Variants in USP50 observed in about 807,000 individuals in gnomAD.
The protein encoded by USP50 is ubiquitin carboxyl-terminal hydrolase 50.
In USP50, 37 loss-of-function variants were observed where a neutral mutation model predicts 39.2. The observed-to-expected ratio is 0.94, with a 90% CI of 0.73 to 1.24. USP50 has a LOEUF of 1.24. USP50 is among the 50% of genes most tolerant of loss of function. USP50 has a pLI of 0.00. For synonymous variants in USP50, 139 were observed against 144.5 expected, an observed-to-expected ratio of 0.96 and a Z score of 0.27; for missense variants, 374 against 398.2, an observed-to-expected ratio of 0.94 and a Z score of 0.52.
intron 6 of USP50, chr15:50,505,110 AAGTTCTAGG>A (rs1227089372): frequency 1.3e-5 from 2 of 152,190 alleles, no homozygotes; most frequent in African/African-American, 2.4e-5. Context: ...TGTCCTGTAG[AAGTTCTAGG>A]AGGAGAGAAT....
intron 5 of USP50, chr15:50,532,229 T>A (rs1277522266): frequency 2.2e-6 from 1 of 456,166 alleles, no homozygotes; most frequent in South Asian, 1.5e-5. Context: ...CTCATGCTTC[T>A]GGCAAGAAGA....
intron 6 of USP50, chr15:50,506,218 C>T (rs917246592): frequency 2.6e-5 from 4 of 152,390 alleles, no homozygotes; most frequent in African/African-American, 9.7e-5. Context: ...GGTCCCCAAC[C>T]CCCCCAGGCT....
chr15:50,544,913 A>G (rs979481977), intron 1 of USP50, 132 bp from the exon 2 acceptor site: 1 of 878,618 alleles, frequency 1.1e-6, no homozygotes, highest in Non-Finnish European at 1.7e-6. Context: ...ATTCCCTACC[A>G]AGGACAGGAA....
At chr15:50,530,282 C>T (rs1427890603) in intron 5 of USP50, among the ~76,000 whole-genome samples, 1 of 150,774 alleles carries the variant, frequency 6.6e-6, no homozygotes, top group Non-Finnish European at 1.5e-5. Flanking sequence ...GACCCTGTCT[C>T]TAAAAAAAAG....
intron 6 of USP50, among the ~76,000 whole-genome samples, chr15:50,527,791 C>G (rs938264346): frequency 6.6e-6 from 1 of 151,852 alleles, no homozygotes; most frequent in Admixed American, 6.6e-5. Flanking sequence ...CATGCCACCA[C>G]ACCCAGCTAA....
chr15:50,525,480 G>A (rs1011039995), intron 6 of USP50, among the ~76,000 whole-genome samples: 12 of 148,436 alleles, frequency 8.1e-5, no homozygotes, highest in Middle Eastern at 3.5e-3. Context: ...GTGTGTGTGT[G>A]TATATATATG....
intron 6 of USP50, among the ~76,000 whole-genome samples, chr15:50,524,040 A>G (rs1596013030): frequency 6.6e-6 from 1 of 152,252 alleles, no homozygotes; most frequent in Non-Finnish European, 1.5e-5. Flanking sequence ...GGGCAAGGAC[A>G]GTAAATAAAT....
At chr15:50,495,976 A>G (rs964204216), downstream of USP50, 15 of 1,613,834 alleles carry the variant, frequency 9.3e-6, no homozygotes, top group Admixed American at 1.7e-5. Context: ...TTCAGGGTCA[A>G]TTCAAATCTA....
intron 6 of USP50, among the ~76,000 whole-genome samples, chr15:50,521,081 G>A (rs2052846221): frequency 6.6e-6 from 1 of 152,172 alleles, no homozygotes; most frequent in African/African-American, 2.4e-5. Flanking sequence ...TTGCTCCGTT[G>A]CCCAGGCTGG....
chr15:50,544,788 T>A lies in USP50; in HGVS notation c.54-7A>T, dbSNP rs2053059039. 1 of 1,609,312 alleles carries A rather than the reference T, an allele frequency of 6.2e-7. No homozygotes were observed. Among genetic ancestry groups the A allele is most frequent in the Admixed American group, 1.7e-5 (1 of 59,592 alleles). On this transcript the variant is annotated splice_polypyrimidine_tract_variant and splice_region_variant and intron_variant, in intron 1 of 6. Coordinates refer to ENST00000532404, the MANE Select transcript of USP50 (RefSeq NM_203494.5). Reference sequence around the variant, plus strand: ...GTAATCTGTGCACTCTGCACTGTGTTGGTGCCACATGGGAAGAAAGGGTTT... The same window carrying A: ...GTAATCTGTGCACTCTGCACTGTGTAGGTGCCACATGGGAAGAAAGGGTTT...
chr15:50,495,670 G>GT (rs910842371), downstream of USP50, among the ~76,000 whole-genome samples: 1 of 151,852 alleles, frequency 6.6e-6, no homozygotes, highest in African/African-American at 2.4e-5. Context: ...AAGTGAGTGA[G>GT]TTTTTTTTGG....
chr15:50,523,469 G>A (rs186896097), intron 6 of USP50, among the ~76,000 whole-genome samples: 92 of 151,986 alleles, frequency 6.1e-4, no homozygotes, highest in Non-Finnish European at 9.7e-4. Flanking sequence ...CACTGCATCC[G>A]GCTACAGTGG....
intron 3 of USP50, among the ~76,000 whole-genome samples, chr15:50,542,462 G>GTT (rs889254066): frequency 5.6e-4 from 60 of 107,924 alleles, no homozygotes; most frequent in African/African-American, 1.8e-3. Context: ...ATATGTTTTT[G>GTT]TTTTTTTTTT....
chr15:50,529,751 G>T, intron 6 of USP50, 46 bp downstream of exon 6: 1 of 1,588,552 alleles, frequency 6.3e-7, no homozygotes, highest in Non-Finnish European at 8.6e-7. Context: ...TAATTCTGGA[G>T]TTTTCTTTAA....
At chr15:50,544,489 G>A (rs2053055839) in intron 2 of USP50, 98 bp downstream of exon 2, 2 of 1,197,986 alleles carry the variant, frequency 1.7e-6, no homozygotes, top group African/African-American at 1.5e-5. Flanking sequence ...TGACTTGTTT[G>A]TTTATCTCTT....
At chr15:50,546,304 T>G (rs944009569) in intron 1 of USP50, among the ~76,000 whole-genome samples, 169 bp downstream of exon 1, 1 of 152,170 alleles carries the variant, frequency 6.6e-6, no homozygotes, top group Non-Finnish European at 1.5e-5. Context: ...AGGAAGGACA[T>G]GTATTTATTG....
At chr15:50,524,598 C>A (rs564848008) in intron 6 of USP50, among the ~76,000 whole-genome samples, 1 of 152,160 alleles carries the variant, frequency 6.6e-6, no homozygotes, top group South Asian at 2.1e-4. Context: ...TGGCTACTAT[C>A]AAAAAGATGA....
intron 3 of USP50, among the ~76,000 whole-genome samples, chr15:50,542,466 T>TG (rs1166314967): frequency 6.6e-6 from 1 of 150,412 alleles, no homozygotes; most frequent in Non-Finnish European, 1.5e-5. Context: ...GTTTTTGTTT[T>TG]TTTTTTTCCT....
rs150214028 is a variant in USP50, at chr15:50,542,165, C to T, written c.445-901G>A. Among the ~76,000 whole-genome samples, 28 of 152,204 alleles carry T rather than the reference C, an allele frequency of 1.8e-4. No homozygotes were observed. In the East Asian group the frequency reaches 5.2e-3, roughly 28 times the overall value. Reference sequence around the variant, plus strand: ...TCAGCAACAGCATTTCTGGGGCACACCCTGAATTTTCAGTGATTTAAGAGC... The same window carrying T: ...TCAGCAACAGCATTTCTGGGGCACATCCTGAATTTTCAGTGATTTAAGAGC... On this transcript the variant is annotated intron_variant, in intron 3 of 6. Transcript: ENST00000532404.
Sources: allele counts gnomAD v4.1 joint callset (sites outside exome capture counted in the v4.1 genomes callset), GRCh38; gene constraint gnomAD v4.1.1; transcripts MANE v1.5; gene names NCBI Gene and HGNC (gene_info 2026-07-23, HGNC 2026-07-21).